Variants in LMNB2 observed in about 807,000 individuals in gnomAD.
LMNB2 encodes the protein lamin B2, also known as lamin-B2.
A neutral mutation model predicts 69.3 loss-of-function variants in LMNB2; 17 were observed. That is an observed-to-expected ratio of 0.25 (90% CI 0.17 to 0.37). The LOEUF (loss-of-function observed/expected upper bound fraction) is 0.37, where lower values mean the gene tolerates loss of function less well. Ranked by LOEUF, LMNB2 falls within the 10% of genes least tolerant of loss-of-function variation. The pLI is 1.00. For synonymous variants in LMNB2, 397 were observed against 389.3 expected, an observed-to-expected ratio of 1.02 and a Z score of -0.23; for missense variants, 789 against 883.6, an observed-to-expected ratio of 0.89 and a Z score of 1.36.
In LMNB2 at chr19:2,434,052, G is replaced by A. The variant is rs368949581; in HGVS notation, c.1256C>T (p.Ser419Leu). 1.4e-5 allele frequency: 22 copies of A among 1,600,480 alleles called. No individual in the cohort carries two copies. In the African/African-American group the frequency reaches 2.0e-4, roughly 15 times the overall value. ...GGCGGACAAGCTGCCGCTGCTGCTC[G>A]AGGTGGCTCGTGAGACGGTGACGCG... ...SSRVTVSRAT[S>L]SSSGSLSATG... Residue 419 changes from serine (S) to leucine (L), a missense_variant, in exon 8 of 12, where the codon TCG becomes TTG. Transcript: ENST00000325327.
rs951130039 is a variant in LMNB2, at chr19:2,435,086, G to A, written c.770C>T (p.Ala257Val). Residue 257 changes from alanine to valine, a missense_variant, in exon 5 of 12, where the codon GCA becomes GTA. Physicochemically the swap from Ala to Val is moderately conservative, Grantham distance 64 (BLOSUM62 0). Around this residue, in one of 3 missense-constraint regions of LMNB2, gnomAD observed 609 missense variants for 630.9 expected, o/e 0.97. Transcript: ENST00000325327. ...GCTCCGCAGCTCCTCCAGCGCCTGTGCCATCTTGAAGTCGTACTCCTGCTG... is the reference window on the plus strand; with the variant it reads ...GCTCCGCAGCTCCTCCAGCGCCTGTACCATCTTGAAGTCGTACTCCTGCTG... ...SRQQEYDFKM[A>V]QALEELRSQH... 2 of 1,610,530 alleles carry A rather than the reference G, an allele frequency of 1.2e-6. No individual in the cohort carries two copies. The highest frequency in any genetic ancestry group is 1.7e-5 in the Admixed American group (1 of 60,010).
chr19:2,431,702 A>C (rs1360598104), intron 10 of LMNB2, 44 bp from the exon 11 acceptor site: 1 of 1,613,890 alleles, frequency 6.2e-7, no homozygotes. Context: ...GATCGGGCCC[A>C]GAGCTGCTGT....
At chr19:2,438,640 G>A (rs1243852765) in intron 2 of LMNB2, 109 bp from the exon 3 acceptor site, 12 of 1,364,858 alleles carry the variant, frequency 8.8e-6, no homozygotes, top group South Asian at 4.2e-5. Flanking sequence ...CGAGGCCTCC[G>A]AGCCCCAGAC....
At chr19:2,432,545 T>C (rs1472359764) in intron 8 of LMNB2, 22 bp from the exon 9 acceptor site, 3 of 1,591,614 alleles carry the variant, frequency 1.9e-6, no homozygotes, top group Admixed American at 3.3e-5. Flanking sequence ...GGCACACACC[T>C]GACCCTCAGC....
chr19:2,431,409 G>A, intron 11 of LMNB2, 139 bp downstream of exon 11: 1 of 1,089,850 alleles, frequency 9.2e-7, no homozygotes, highest in Non-Finnish European at 1.4e-6. Context: ...TAACAGCCAA[G>A]GCTGGCTTCA....
At chr19:2,456,570 C>T in intron 1 of LMNB2, 100 bp downstream of exon 1, 2 of 1,219,806 alleles carry the variant, frequency 1.6e-6, no homozygotes, top group South Asian at 2.5e-5. Flanking sequence ...GGGCCCGTCC[C>T]CGTCTGCACC....
At chr19:2,431,251 G>T (rs950906134) in intron 11 of LMNB2, among the ~76,000 whole-genome samples, 3 of 152,188 alleles carry the variant, frequency 2.0e-5, no homozygotes, top group Admixed American at 2.0e-4. Context: ...TTCGACTGAG[G>T]AAGCCGGTTG....
chr19:2,430,939 G>T lies in LMNB2; in HGVS notation c.1835C>A (p.Thr612Asn). The part of the protein sequence containing the change: ...DLFHQQGDPR[T>N]TSRGCYVM Reference sequence around the variant, plus strand: ...CATCACGTAGCAGCCTCTTGAGGTGGTCCTCGGGTCCCCCTGCAGGAAGGA... The same window carrying T: ...CATCACGTAGCAGCCTCTTGAGGTGTTCCTCGGGTCCCCCTGCAGGAAGGA... The change falls in exon 12 of 12, where the codon ACC becomes AAC. Residue 612 changes from threonine to asparagine, a missense_variant. Thr to Asn is a moderately conservative substitution (Grantham distance 65). Transcript: ENST00000325327. 1 of 1,609,868 alleles carries T rather than the reference G, an allele frequency of 6.2e-7. No individual in the cohort carries two copies. Among genetic ancestry groups the T allele is most frequent in the Non-Finnish European group, 8.5e-7 (1 of 1,176,346 alleles).
chr19:2,450,843 G>T (rs1196454149), intron 1 of LMNB2, among the ~76,000 whole-genome samples: 2 of 151,418 alleles, frequency 1.3e-5, no homozygotes, highest in Non-Finnish European at 2.9e-5. Flanking sequence ...TGTTGGCCAG[G>T]CTGGTTTCAA....
At position 2,443,483 on chromosome 19, in the gene LMNB2, C is replaced by T. The variant is rs1263835945; in HGVS notation, c.401+921G>A. 6.7e-6 allele frequency among the ~76,000 whole-genome samples: 1 copy of T among 150,216 alleles called. No individual in the cohort carries two copies. Among genetic ancestry groups the T allele is most frequent in the Non-Finnish European group, 1.5e-5 (1 of 67,412 alleles). On this transcript the variant is annotated intron_variant, in intron 2 of 11. Coordinates refer to ENST00000325327, the MANE Select transcript of LMNB2 (RefSeq NM_032737.4). The surrounding 1 kb of genome is among the most constrained non-coding windows in gnomAD (Gnocchi z 6.2). Reference sequence around the variant, plus strand: ...GCCACTGGCTGCTGTCACCCCCGTACCAGGTGGCCGAGGTGCCACCCCTCC... The same window carrying T: ...GCCACTGGCTGCTGTCACCCCCGTATCAGGTGGCCGAGGTGCCACCCCTCC...
Position 2,435,030 on chromosome 19 carries a change from G to A in LMNB2, c.826C>T (p.Leu276=), listed in dbSNP as rs1252623428. The change falls in exon 5 of 12, where the codon CTG becomes TTG. Residue 276 remains leucine, a synonymous_variant. Transcript: ENST00000325327. ...QHDEQVRLYK[L]ELEQTYQAKL... ...GCCTGGTAGGTCTGCTCCAGCTCCA[G>A]CTTGTAGAGCCGCACTTGCTCGTCG... 6.3e-7 allele frequency: 1 copy of A among 1,576,606 alleles called. No individual in the cohort carries two copies. The highest frequency in any genetic ancestry group is 8.6e-7 in the Non-Finnish European group (1 of 1,159,834).
rs373243056 is a variant in LMNB2 at position 2,434,674 on chromosome 19, G to A, written c.981+114C>T. On this transcript the variant is annotated intron_variant, in intron 6 of 11. Transcript: ENST00000325327. ...GGGGAGGGAAGGGGCATCGCTGGGC[G>A]CCCCGAGGGCTGCATCCGATGCCAA... The A allele has an allele frequency of 2.9e-5, 43 of 1,506,172 alleles. No individual in the cohort carries two copies. In the Admixed American group the frequency reaches 6.9e-4, roughly 24 times the overall value. The allele number at this position is 1,506,172 out of a possible 1,614,324, so 93.3% of individuals were successfully genotyped here. A position where few individuals can be genotyped will look rare whatever the true frequency, so the allele number is the denominator to read the frequency against.
intron 4 of LMNB2, among the ~76,000 whole-genome samples, chr19:2,437,839 G>A (rs912168739): frequency 1.3e-5 from 2 of 150,998 alleles, no homozygotes; most frequent in African/African-American, 2.5e-5. Flanking sequence ...CAGCAGCTGT[G>A]AATGGACCTT....
intron 4 of LMNB2, among the ~76,000 whole-genome samples, chr19:2,436,379 T>G (rs1971821293): frequency 7.4e-6 from 1 of 134,506 alleles, no homozygotes; most frequent in African/African-American, 2.8e-5. Context: ...AGACTCCATC[T>G]CAAAAACAAA....
chr19:2,454,423 C>T (rs1972066354), intron 1 of LMNB2, among the ~76,000 whole-genome samples: 2 of 152,136 alleles, frequency 1.3e-5, no homozygotes, highest in Non-Finnish European at 2.9e-5. Context: ...GAAAACAACC[C>T]ACAGGGAGCT....
At chr19:2,444,294 G>C (rs535890556) in intron 2 of LMNB2, 110 bp downstream of exon 2, 2 of 1,303,040 alleles carry the variant, frequency 1.5e-6, no homozygotes, top group Middle Eastern at 1.8e-4. Flanking sequence ...GTGAGCTCCA[G>C]GCTGTGCCCG....
intron 1 of LMNB2, among the ~76,000 whole-genome samples, chr19:2,445,427 G>A (rs866048006): frequency 8.5e-5 from 13 of 152,124 alleles, no homozygotes; most frequent in Middle Eastern, 3.4e-3. Context: ...GTGTCCCCCC[G>A]ACAGGCCAGC....
At position 2,428,804 on chromosome 19, in the gene LMNB2, T is replaced by A. The variant is rs1971695483; in HGVS notation, c.*2107A>T. ...TTAAAAATTTGATTTTCTTAGTGTT[T>A]CCAAAGACTCAATTCTCAATGAACC... On this transcript the variant is annotated 3_prime_UTR_variant, in exon 12 of 12. Transcript: ENST00000325327. The A allele has an allele frequency of 6.6e-6, 1 of 152,224 alleles. No homozygotes were observed. Among genetic ancestry groups the A allele is most frequent in the Non-Finnish European group, 1.5e-5 (1 of 68,050 alleles). 9.4% of individuals were successfully genotyped at this position (152,224 alleles called of 1,614,324 possible). A position where few individuals can be genotyped will look rare whatever the true frequency, so the allele number is the denominator to read the frequency against.
chr19:2,438,886 A>G (rs2288943), intron 2 of LMNB2, among the ~76,000 whole-genome samples: 56,303 of 152,058 alleles, frequency 0.37, 11,265 homozygotes, highest in African/African-American at 0.54. Context: ...TTGAAGGGTC[A>G]GCCTTGTTTG....
Sources: allele counts gnomAD v4.1 joint callset (sites outside exome capture counted in the v4.1 genomes callset), GRCh38; gene constraint gnomAD v4.1.1; regional missense constraint gnomAD v4.1.1; non-coding constraint Gnocchi (gnomAD v3.1); transcripts MANE v1.5; gene names NCBI Gene and HGNC (gene_info 2026-07-23, HGNC 2026-07-21).